VWA8: variants seen among roughly 807,000 people sequenced by gnomAD.
VWA8 encodes von Willebrand factor A domain-containing protein 8.
VWA8 carries 221 observed loss-of-function variants against 241.5 expected under a neutral mutation model. The observed-to-expected ratio is 0.91, with a 90% CI of 0.82 to 1.02. The LOEUF is 1.02. Ranked by LOEUF, VWA8 falls within the 50% of genes least tolerant of loss-of-function variation. The probability of loss-of-function intolerance (pLI) is 0.00; values close to 1 mark genes in which losing one functional copy is unlikely to be tolerated. For synonymous variants in VWA8, 852 were observed against 827.1 expected, an observed-to-expected ratio of 1.03 and a Z score of -0.52; for missense variants, 2,322 against 2,328.7, an observed-to-expected ratio of 1.00 and a Z score of 0.06.
intron 14 of VWA8, among the ~76,000 whole-genome samples, chr13:41,829,958 G>T (rs546979059): frequency 1.3e-5 from 2 of 152,086 alleles, no homozygotes; most frequent in Non-Finnish European, 2.9e-5. Context: ...AAAAATCACT[G>T]TCGGCCGGGC....
chr13:41,660,261 G>A (rs2044940041), intron 37 of VWA8, among the ~76,000 whole-genome samples: 1 of 152,130 alleles, frequency 6.6e-6, no homozygotes, highest in South Asian at 2.1e-4. Context: ...AATTACAGGT[G>A]CATGCCACCA....
At chr13:41,571,297 T>TCTCCCTC (rs2044300457) in intron 43 of VWA8, among the ~76,000 whole-genome samples, 1 of 140,180 alleles carries the variant, frequency 7.1e-6, no homozygotes, top group African/African-American at 2.8e-5. Flanking sequence ...CCCTCTCCCG[T>TCTCCCTC]CTCCCTCTCC....
At chr13:41,785,674 T>TTCAATAGA (rs1394509520) in intron 18 of VWA8, among the ~76,000 whole-genome samples, 1 of 152,146 alleles carries the variant, frequency 6.6e-6, no homozygotes, top group Non-Finnish European at 1.5e-5. Context: ...AACTTCGCCC[T>TTCAATAGA]TCAATAGATC....
chr13:41,841,473 T>A (rs1177267061), intron 12 of VWA8, among the ~76,000 whole-genome samples: 2 of 152,112 alleles, frequency 1.3e-5, no homozygotes, highest in Non-Finnish European at 2.9e-5. Flanking sequence ...TGATTCTTCA[T>A]TCTCATTTCT....
chr13:41,690,476 T>G (rs138558503), intron 32 of VWA8, among the ~76,000 whole-genome samples: 2 of 152,170 alleles, frequency 1.3e-5, no homozygotes, highest in South Asian at 2.1e-4. Context: ...AATACAGTAA[T>G]GAATGTGAGG....
intron 8 of VWA8, among the ~76,000 whole-genome samples, chr13:41,883,749 G>A (rs576316745): frequency 6.6e-6 from 1 of 152,090 alleles, no homozygotes; most frequent in South Asian, 2.1e-4. Flanking sequence ...GTCTGGTCTT[G>A]ACTTCTTTCT....
intron 37 of VWA8, among the ~76,000 whole-genome samples, chr13:41,650,912 C>T (rs1173660369): frequency 6.6e-6 from 1 of 152,076 alleles, no homozygotes; most frequent in African/African-American, 2.4e-5. Context: ...CAGGCAGGGG[C>T]CAATGTGAGT....
intron 2 of VWA8, among the ~76,000 whole-genome samples, chr13:41,920,763 C>A (rs763058071): frequency 3.3e-5 from 5 of 152,156 alleles, no homozygotes; most frequent in Non-Finnish European, 5.9e-5. Context: ...CCTGAAAAGA[C>A]CAATAACAAG....
At chr13:41,692,729 C>A in intron 30 of VWA8, 133 bp downstream of exon 30, 1 of 591,578 alleles carries the variant, frequency 1.7e-6, no homozygotes, top group Non-Finnish European at 3.0e-6. Flanking sequence ...AAAATCTATA[C>A]GTGCATAACA....
At chr13:41,904,480 C>T (rs1262326781) in intron 4 of VWA8, among the ~76,000 whole-genome samples, 4 of 152,102 alleles carry the variant, frequency 2.6e-5, no homozygotes, top group Admixed American at 2.6e-4. Flanking sequence ...GCTCAAATCC[C>T]ATCCCTCACT....
At chr13:41,618,802 C>T (rs2139665788) in intron 37 of VWA8, among the ~76,000 whole-genome samples, 1 of 152,244 alleles carries the variant, frequency 6.6e-6, no homozygotes, top group Non-Finnish European at 1.5e-5. Context: ...GGTGTTATTT[C>T]TGAGGCCTCT....
chr13:41,621,304 A>G (rs983327175), intron 37 of VWA8, among the ~76,000 whole-genome samples: 3 of 152,236 alleles, frequency 2.0e-5, no homozygotes, highest in African/African-American at 4.8e-5. Flanking sequence ...AGGCTAAGCA[A>G]TGAAGTTTGG....
chr13:41,933,857 A>G (rs1033996226), intron 2 of VWA8, among the ~76,000 whole-genome samples: 5 of 152,030 alleles, frequency 3.3e-5, no homozygotes, highest in African/African-American at 1.2e-4. Flanking sequence ...GTACAACTAC[A>G]TCTAGAAAAA....
chr13:41,875,274 G>A (rs1008056838), intron 9 of VWA8, among the ~76,000 whole-genome samples: 79 of 152,024 alleles, frequency 5.2e-4, no homozygotes, highest in Non-Finnish European at 1.3e-4. Flanking sequence ...TGGAAAGCAT[G>A]TTCTTCCATC....
intron 29 of VWA8, among the ~76,000 whole-genome samples, chr13:41,694,415 C>A (rs2045201538): frequency 6.6e-6 from 1 of 151,920 alleles, no homozygotes; most frequent in African/African-American, 2.4e-5. Context: ...TAGAATGTAT[C>A]ATTCTGTATA....
intron 8 of VWA8, among the ~76,000 whole-genome samples, chr13:41,883,864 A>G (rs1022372038): frequency 1.3e-5 from 2 of 152,172 alleles, no homozygotes; most frequent in Non-Finnish European, 2.9e-5. Context: ...TATTCATCCC[A>G]AAGTACCTGA....
intron 2 of VWA8, among the ~76,000 whole-genome samples, chr13:41,944,055 A>C (rs1409820817): frequency 6.6e-6 from 1 of 151,814 alleles, no homozygotes; most frequent in East Asian, 1.9e-4. Context: ...CAGTGAGCCA[A>C]GATTGAGCCA....
rs114329520 is a variant in VWA8 at position 41,712,084 on chromosome 13, T to C, written c.3116+7507A>G. 1.8e-3 allele frequency among the ~76,000 whole-genome samples: 271 copies of C among 151,836 alleles called. 2 individuals carry two copies. Among genetic ancestry groups the C allele is most frequent in the African/African-American group, 6.0e-3 (247 of 41,402 alleles). On this transcript the variant is annotated intron_variant, in intron 26 of 44. Coordinates refer to ENST00000379310, the MANE Select transcript of VWA8 (RefSeq NM_015058.2). ...AGAATGGAATGATAGATACCAGAGGTTGGGAAGGTTGAGTGGGTGGGAGGG... is the reference window on the plus strand; with the variant it reads ...AGAATGGAATGATAGATACCAGAGGCTGGGAAGGTTGAGTGGGTGGGAGGG...
intron 1 of VWA8, among the ~76,000 whole-genome samples, chr13:41,954,155 C>T (rs1036560394): frequency 2.6e-5 from 4 of 152,042 alleles, no homozygotes; most frequent in Admixed American, 6.6e-5. Context: ...TTAATCCATA[C>T]CAATGTCCCA....
Sources: allele counts gnomAD v4.1 joint callset (sites outside exome capture counted in the v4.1 genomes callset), GRCh38; gene constraint gnomAD v4.1.1; transcripts MANE v1.5; gene names NCBI Gene and HGNC (gene_info 2026-07-23, HGNC 2026-07-21).